GIPC2: variants seen among roughly 807,000 people sequenced by gnomAD.
GIPC2 encodes GIPC PDZ domain containing family member 2.
A neutral mutation model predicts 30.6 loss-of-function variants in GIPC2; 30 were observed. The ratio of observed to expected loss-of-function variants is 0.98; its 90% confidence interval spans 0.73 to 1.33. The LOEUF (loss-of-function observed/expected upper bound fraction) is 1.33, where lower values mean the gene tolerates loss of function less well. Among genes scored for constraint, GIPC2 ranks in the 40% most tolerant of loss-of-function variants. GIPC2 has a pLI of 0.00. For missense variants in GIPC2, 414 were observed against 390.3 expected, an observed-to-expected ratio of 1.06 and a Z score of -0.51; for synonymous variants, 167 against 150.0, an observed-to-expected ratio of 1.11 and a Z score of -0.83.
intron 5 of GIPC2, among the ~76,000 whole-genome samples, chr1:78,131,774 G>A (rs1289812746): frequency 1.3e-5 from 2 of 152,148 alleles, no homozygotes; most frequent in African/African-American, 2.4e-5. Context: ...ATAAAAAAGC[G>A]ATGTTTATAC....
intron 2 of GIPC2, among the ~76,000 whole-genome samples, chr1:78,085,497 C>T (rs937864693): frequency 4.6e-5 from 7 of 151,458 alleles, no homozygotes; most frequent in South Asian, 4.2e-4. Context: ...AGGAATGGCA[C>T]CAGCTTTTCT....
chr1:78,097,296 G>A lies in GIPC2; in HGVS notation c.607+2164G>A, dbSNP rs112366238. 2.0e-3 allele frequency among the ~76,000 whole-genome samples: 312 copies of A among 152,208 alleles called. 4 individuals are homozygous for A. Among genetic ancestry groups the A allele is most frequent in the African/African-American group, 6.7e-3 (280 of 41,524 alleles). On this transcript the variant is annotated intron_variant, in intron 3 of 5. Coordinates refer to ENST00000370759, the MANE Select transcript of GIPC2 (RefSeq NM_017655.6). ...TGATTGTCTGATTCTCTGTCCTCTT[G>A]GATTTCTACCAGGAGAAGGGCCAGT...
chr1:78,131,301 T>C (rs576316450), intron 5 of GIPC2, among the ~76,000 whole-genome samples: 4 of 152,028 alleles, frequency 2.6e-5, no homozygotes, highest in Non-Finnish European at 4.4e-5. Context: ...CTCCGCCTCC[T>C]GGGTTCACGC....
At chr1:78,059,757 G>GT (rs1237576845) in intron 1 of GIPC2, among the ~76,000 whole-genome samples, 22 of 151,924 alleles carry the variant, frequency 1.4e-4, no homozygotes, top group African/African-American at 4.8e-4. Context: ...GGTAACAAGA[G>GT]TGAGAAAAAA....
intron 3 of GIPC2, among the ~76,000 whole-genome samples, chr1:78,099,432 C>T (rs1215836481): frequency 6.6e-6 from 1 of 150,684 alleles, no homozygotes; most frequent in Non-Finnish European, 1.5e-5. Context: ...CTTTTCTTTT[C>T]TTTTCTCTTT....
chr1:78,121,605 C>G (rs1662684716), intron 4 of GIPC2, among the ~76,000 whole-genome samples: 1 of 152,006 alleles, frequency 6.6e-6, no homozygotes, highest in Non-Finnish European at 1.5e-5. Context: ...GATCCTGAGT[C>G]AAATGCGTGG....
At chr1:78,114,341 A>G (rs1049948878) in intron 3 of GIPC2, among the ~76,000 whole-genome samples, 1 of 152,244 alleles carries the variant, frequency 6.6e-6, no homozygotes, top group African/African-American at 2.4e-5. Flanking sequence ...GTGCTTAGAC[A>G]GGCCAGCACC....
chr1:78,109,113 G>A (rs935366353), intron 3 of GIPC2, among the ~76,000 whole-genome samples: 1 of 152,228 alleles, frequency 6.6e-6, no homozygotes, highest in Non-Finnish European at 1.5e-5. Context: ...TCCCAAGATG[G>A]TGGTCAGCAA....
At position 78,050,787 on chromosome 1, in the gene GIPC2, A is replaced by G. The variant is rs188297091; in HGVS notation, c.240+4453A>G. Among the ~76,000 whole-genome samples, 988 of 152,198 alleles carry G rather than the reference A, an allele frequency of 6.5e-3. 16 individuals are homozygous for G. Among genetic ancestry groups the G allele is most frequent in the African/African-American group, 0.023 (941 of 41,520 alleles). ...GTAGCTAGGACTACAGGTGCCTGCC[A>G]CCATGCCCGGCTAATTTTTTGTATT... On this transcript the variant is annotated intron_variant, in intron 1 of 5. Transcript: ENST00000370759.
At chr1:78,109,363 A>G (rs1007917029) in intron 3 of GIPC2, among the ~76,000 whole-genome samples, 14 of 152,162 alleles carry the variant, frequency 9.2e-5, no homozygotes, top group Non-Finnish European at 1.6e-4. Context: ...TAAATGACCA[A>G]TGGGTGCTAA....
At chr1:78,105,118 A>T (rs1212395187) in intron 3 of GIPC2, among the ~76,000 whole-genome samples, 1 of 152,202 alleles carries the variant, frequency 6.6e-6, no homozygotes, top group Non-Finnish European at 1.5e-5. Context: ...ATACCTAAAT[A>T]TAGATCCTTT....
chr1:78,090,590 T>A (rs1368859920), intron 2 of GIPC2, among the ~76,000 whole-genome samples: 1 of 152,220 alleles, frequency 6.6e-6, no homozygotes, highest in African/African-American at 2.4e-5. Context: ...CACCTGACTT[T>A]GTTTTAAATT....
Position 78,136,092 on chromosome 1 carries a change from G to A in GIPC2, c.*349G>A, listed in dbSNP as rs141899964. 34 of 166,874 alleles carry A rather than the reference G, an allele frequency of 2.0e-4. No individual in the cohort carries two copies. Among genetic ancestry groups the A allele is most frequent in the Non-Finnish European group, 3.7e-4 (29 of 78,920 alleles). The allele number at this position is 166,874 out of a possible 1,614,324, so 10.3% of individuals were successfully genotyped here. On this transcript the variant is annotated 3_prime_UTR_variant, in exon 6 of 6. Coordinates refer to ENST00000370759, the MANE Select transcript of GIPC2 (RefSeq NM_017655.6). ...ATAAATAGATGATTTCAATAGCTTT[G>A]TAGTTTTTTTTCAAAATCTTAATGT...
Position 78,136,549 on chromosome 1 carries a change from TTA to T in GIPC2, c.*810_*811del, listed in dbSNP as rs1663007725. Reference sequence around the variant, plus strand: ...TTTTATAAGCACTCCAGGGAAGATTTTATATTTTTTTGTAGAGTTTTTGGAAA... The same window carrying T: ...TTTTATAAGCACTCCAGGGAAGATTTTATTTTTTTGTAGAGTTTTTGGAAA... On this transcript the variant is annotated 3_prime_UTR_variant, in exon 6 of 6. Coordinates refer to ENST00000370759, the MANE Select transcript of GIPC2 (RefSeq NM_017655.6). The T allele has an allele frequency of 2.0e-5, 3 of 151,942 alleles. No individual in the cohort carries two copies. The highest frequency in any genetic ancestry group is 1.5e-5 in the Non-Finnish European group (1 of 67,968). The allele number at this position is 151,942 out of a possible 1,614,324, so 9.4% of individuals were successfully genotyped here.
chr1:78,134,855 G>A lies in GIPC2; in HGVS notation c.797-737G>A, dbSNP rs1170805595. 2.0e-5 allele frequency among the ~76,000 whole-genome samples: 3 copies of A among 152,234 alleles called. No individual in the cohort carries two copies. The East Asian group carries it at 5.8e-4, about 29-fold the overall frequency. On this transcript the variant is annotated intron_variant, in intron 5 of 5. Coordinates refer to ENST00000370759, the MANE Select transcript of GIPC2 (RefSeq NM_017655.6). The stretch of plus-strand genomic sequence containing the variant: ...ATACACCATCTCTTTCTGGTTGCTG[G>A]TGCTTCTAGGGTGCTGAGTGGAAAT...
intron 1 of GIPC2, among the ~76,000 whole-genome samples, chr1:78,071,404 G>A (rs1429825353): frequency 6.6e-6 from 1 of 151,686 alleles, no homozygotes; most frequent in African/African-American, 2.4e-5. Context: ...AGAAAGTGAG[G>A]GGTTTATTAA....
At chr1:78,045,562 G>A, upstream of GIPC2, 1 of 985,452 alleles carries the variant, frequency 1.0e-6, no homozygotes, top group Non-Finnish European at 1.2e-6. Context: ...GTAGCACCAA[G>A]CTCAAGGTTA....
At chr1:78,076,589 C>A (rs7540686) in intron 1 of GIPC2, among the ~76,000 whole-genome samples, 78,467 of 151,894 alleles carry the variant, frequency 0.52, 21,455 homozygotes, top group South Asian at 0.63. Flanking sequence ...CGCTGCTGAT[C>A]TGACAGAAGG....
intron 1 of GIPC2, among the ~76,000 whole-genome samples, chr1:78,064,742 C>CTTTT (rs11327469): frequency 8.4e-5 from 9 of 106,706 alleles, no homozygotes; most frequent in East Asian, 5.3e-4. Flanking sequence ...CTCATGCAAC[C>CTTTT]TTTTTTTTTT....
Sources: gnomAD v4.1 joint callset for allele counts (sites outside exome capture counted in the v4.1 genomes callset) on GRCh38, gnomAD v4.1.1 for gene constraint, MANE v1.5 for transcripts, NCBI Gene and HGNC (gene_info 2026-07-23, HGNC 2026-07-21) for gene names.